OTUD6B: variants seen among roughly 807,000 people sequenced by gnomAD.
The protein encoded by OTUD6B is OTU deubiquitinase 6B.
In OTUD6B, 41 loss-of-function variants were observed where a neutral mutation model predicts 36.9. That is an observed-to-expected ratio of 1.11 (90% CI 0.87 to 1.44). The LOEUF (loss-of-function observed/expected upper bound fraction) is 1.44. OTUD6B is among the 40% of genes most tolerant of loss of function. The pLI is 0.00. For missense variants in OTUD6B, 356 were observed against 344.8 expected (o/e 1.03, Z -0.26); for synonymous variants, 114 against 114.2 (o/e 1.00, Z 0.01).
At chr8:91,072,243 C>T (rs1812715188) in intron 2 of OTUD6B, among the ~76,000 whole-genome samples, 1 of 152,104 alleles carries the variant, frequency 6.6e-6, no homozygotes, top group Non-Finnish European at 1.5e-5. Context: ...ATACATAATC[C>T]CATTTTTCAA....
chr8:91,070,567 C>A (rs1254346768), intron 1 of OTUD6B, 101 bp downstream of exon 1: 1 of 1,119,198 alleles, frequency 8.9e-7, no homozygotes, highest in Non-Finnish European at 1.3e-6. Context: ...TTATCTGGAT[C>A]ACCCTAGACT....
chr8:91,076,296 G>A (rs1442932209), intron 3 of OTUD6B, among the ~76,000 whole-genome samples: 1 of 151,972 alleles, frequency 6.6e-6, no homozygotes, highest in African/African-American at 2.4e-5. Context: ...ACTTATTAGT[G>A]CCATTCTATC....
At chr8:91,071,110 T>C in intron 1 of OTUD6B, 28 bp from the exon 2 acceptor site, 1 of 1,609,876 alleles carries the variant, frequency 6.2e-7, no homozygotes, top group Non-Finnish European at 8.5e-7. Context: ...CCTGCGTGTC[T>C]GACTTAATGA....
At position 91,078,538 on chromosome 8, in the gene OTUD6B, A is replaced by G. The variant is rs1472424497; in HGVS notation, c.498A>G (p.Gln166=). The stretch of plus-strand genomic sequence containing the variant: ...GTATGTATAAAGCCATTGAAGATCA[A>G]CTGAAAGAAAAGGATTGTGCTCTGA... ...GHCMYKAIED[Q]LKEKDCALTV... Residue 166 remains glutamine, a synonymous_variant, in exon 4 of 7, where the codon CAA becomes CAG. Transcript: ENST00000404789. 6.2e-7 allele frequency: 1 copy of G among 1,609,824 alleles called. No homozygotes were observed.
In OTUD6B at chr8:91,073,829, A is replaced by G. The variant is rs1812749945; in HGVS notation, c.235-2A>G. On this transcript the variant is annotated splice_acceptor_variant, in intron 2 of 6. Coordinates refer to ENST00000404789, the MANE Select transcript of OTUD6B (RefSeq NM_016023.5). LOFTEE classifies it high-confidence loss of function. ...CTTGTTAATGCTTTTTGTTTCCTTC[A>G]GATAGATTCTGTTGCTGTTAACATT... is the stretch of plus-strand genomic sequence containing the variant. 2.5e-6 allele frequency: 4 copies of G among 1,574,754 alleles called. No homozygotes were observed. The highest frequency in any genetic ancestry group is 3.5e-6 in the Non-Finnish European group (4 of 1,158,148).
Position 91,078,557 on chromosome 8 carries a change from G to A in OTUD6B, c.517G>A (p.Ala173Thr), listed in dbSNP as rs1042593186. ...AGATCAACTGAAAGAAAAGGATTGT[G>A]CTCTGACTGTGGTTGCCTTGAGAAG... is the stretch of plus-strand genomic sequence containing the variant. ...IEDQLKEKDCALTVVALRSQT... is the reference protein window; with the variant it reads ...IEDQLKEKDCTLTVVALRSQT... The change falls in exon 4 of 7, where the codon GCT (alanine) becomes ACT (threonine). Residue 173 changes from alanine (A) to threonine (T), a missense_variant. By Grantham distance (58) the Ala-to-Thr change is moderately conservative. Transcript: ENST00000404789. 5.6e-6 allele frequency: 9 copies of A among 1,608,796 alleles called. No homozygotes were observed. In the African/African-American group the frequency reaches 1.1e-4, roughly 19 times the overall value.
In OTUD6B at chr8:91,085,195, TC is replaced by T. The variant is rs1369303582; in HGVS notation, c.*330del. 6.2e-6 allele frequency: 1 copy of T among 161,734 alleles called. No individual in the cohort carries two copies. Among genetic ancestry groups the T allele is most frequent in the Admixed American group, 6.4e-5 (1 of 15,610 alleles). 10.0% of individuals were successfully genotyped at this position (161,734 alleles called of 1,614,324 possible). On this transcript the variant is annotated 3_prime_UTR_variant, in exon 7 of 7. Coordinates refer to ENST00000404789, the MANE Select transcript of OTUD6B (RefSeq NM_016023.5). ...AACAAATTTTCAATGTTTTTAATTC[TC>T]CCTTTTCTGCCTGTTCCTAAAAACT...
intron 3 of OTUD6B, among the ~76,000 whole-genome samples, chr8:91,077,809 T>C (rs760351821): frequency 4.6e-5 from 7 of 152,064 alleles, no homozygotes; most frequent in Non-Finnish European, 8.8e-5. Context: ...AGTGGTGTTA[T>C]GGGGAGCTTG....
Position 91,084,169 on chromosome 8 carries a change from A to G in OTUD6B, c.797+55A>G, listed in dbSNP as rs1812963892. ...TTTTTCACAATTAATACAAAAAGGA[A>G]TATTAAAAAATTTAGATTATATGTG... is the stretch of plus-strand genomic sequence containing the variant. On this transcript the variant is annotated intron_variant, in intron 6 of 6. Transcript: ENST00000404789. The G allele has an allele frequency of 1.2e-5, 13 of 1,043,108 alleles. No homozygotes were observed. In the South Asian group the frequency reaches 1.9e-4, roughly 15 times the overall value. 64.6% of individuals were successfully genotyped at this position (1,043,108 alleles called of 1,614,324 possible). A position where few individuals can be genotyped will look rare whatever the true frequency, so the allele number is the denominator to read the frequency against.
chr8:91,080,469 T>G, intron 4 of OTUD6B, 200 bp from the exon 5 acceptor site: 1 of 658,110 alleles, frequency 1.5e-6, no homozygotes, highest in Non-Finnish European at 1.9e-6. Flanking sequence ...TGCTTTGTTC[T>G]TGGATGGAAA....
chr8:91,075,796 T>C (rs1401158567), intron 3 of OTUD6B, among the ~76,000 whole-genome samples: 1 of 152,136 alleles, frequency 6.6e-6, no homozygotes, highest in Non-Finnish European at 1.5e-5. Context: ...AACCTCCTTT[T>C]TGCTAGAAGC....
chr8:91,070,608 TC>T (rs1812669454), intron 1 of OTUD6B, 142 bp downstream of exon 1: 1 of 757,622 alleles, frequency 1.3e-6, no homozygotes, highest in South Asian at 1.8e-5. Flanking sequence ...TCTTCTCTCT[TC>T]ACCTACCCCG....
At chr8:91,071,371 T>C in intron 2 of OTUD6B, 82 bp downstream of exon 2, 3 of 1,204,868 alleles carry the variant, frequency 2.5e-6, no homozygotes, top group Non-Finnish European at 3.5e-6. Context: ...CTGCTTTTTT[T>C]TTTTTTTTTG....
At chr8:91,077,793 G>A (rs1045372076) in intron 3 of OTUD6B, among the ~76,000 whole-genome samples, 6 of 151,970 alleles carry the variant, frequency 3.9e-5, no homozygotes, top group Non-Finnish European at 8.8e-5. Context: ...CAAGCACTGG[G>A]ATGGCAGTGG....
At chr8:91,078,857 C>G (rs1317597639) in intron 4 of OTUD6B, 189 bp downstream of exon 4, 9 of 428,856 alleles carry the variant, frequency 2.1e-5, no homozygotes, top group Non-Finnish European at 3.7e-5. Flanking sequence ...ATTAAGATTT[C>G]TTAATTACTT....
rs369884668 is a variant in OTUD6B, at chr8:91,071,221, G to A, written c.166G>A (p.Glu56Lys). ...ACTCACCGAAGATGTGGCCAAGTTGGAAAAAGAAATGGAACAGAAACATAG... is the reference window on the plus strand; with the variant it reads ...ACTCACCGAAGATGTGGCCAAGTTGAAAAAAGAAATGGAACAGAAACATAG... The part of the protein sequence containing the change: ...KQLTEDVAKL[E>K]KEMEQKHREE... Residue 56 changes from glutamate to lysine, a missense_variant, in exon 2 of 7, where the codon GAA becomes AAA. Glu to Lys is a moderately conservative substitution (Grantham distance 56). Transcript: ENST00000404789. 5 of 1,613,666 alleles carry A rather than the reference G, an allele frequency of 3.1e-6. No individual in the cohort carries two copies. The African/African-American group carries it at 6.7e-5, about 22-fold the overall frequency.
chr8:91,077,852 C>A (rs1316257220), intron 3 of OTUD6B, among the ~76,000 whole-genome samples: 2 of 151,132 alleles, frequency 1.3e-5, no homozygotes, highest in South Asian at 2.1e-4. Flanking sequence ...TTTTTTTTTA[C>A]AAAATATTTG....
At position 91,086,686 on chromosome 8, in the gene OTUD6B, C is replaced by T. The variant is rs2130451623; in HGVS notation, c.*1818C>T. The T allele has an allele frequency of 6.6e-6, 1 of 151,818 alleles. No homozygotes were observed. The highest frequency in any genetic ancestry group is 2.1e-4 in the South Asian group (1 of 4,816). 9.4% of individuals were successfully genotyped at this position (151,818 alleles called of 1,614,324 possible). On this transcript the variant is annotated 3_prime_UTR_variant, in exon 7 of 7. Coordinates refer to ENST00000404789, the MANE Select transcript of OTUD6B (RefSeq NM_016023.5). ...TCTTTTTGGTTATATGTCTATTTTT[C>T]AATTTTGTTATATTTTTAATTTAAG...
At chr8:91,077,267 TAAAAC>T (rs1812819629) in intron 3 of OTUD6B, among the ~76,000 whole-genome samples, 1 of 151,844 alleles carries the variant, frequency 6.6e-6, no homozygotes, top group African/African-American at 2.4e-5. Context: ...CACCCCAAAA[TAAAAC>T]TTATTTTGGA....
Sources: gnomAD v4.1 joint callset for allele counts (sites outside exome capture counted in the v4.1 genomes callset) on GRCh38, gnomAD v4.1.1 for gene constraint, MANE v1.5 for transcripts, NCBI Gene and HGNC (gene_info 2026-07-23, HGNC 2026-07-21) for gene names.